The following ADCK1 variants were observed in gnomAD, a reference collection of about 807,000 sequenced individuals.
ADCK1 encodes the protein aarF domain-containing protein kinase 1.
ADCK1 carries 41 observed loss-of-function variants against 52.3 expected under a neutral mutation model. That is an observed-to-expected ratio of 0.78 (90% CI 0.61 to 1.02). The LOEUF (loss-of-function observed/expected upper bound fraction) is 1.02. Among genes scored for constraint, ADCK1 ranks in the 50% least tolerant of loss-of-function variants. ADCK1 has a pLI of 0.00. For missense variants in ADCK1, 658 were observed against 679.5 expected, an observed-to-expected ratio of 0.97 and a Z score of 0.35; for synonymous variants, 250 against 274.6, an observed-to-expected ratio of 0.91 and a Z score of 0.89.
intron 3 of ADCK1, among the ~76,000 whole-genome samples, chr14:77,850,505 A>T (rs1196914735): frequency 6.6e-6 from 1 of 152,150 alleles, no homozygotes; most frequent in Admixed American, 6.5e-5. Flanking sequence ...TTAGGATGGT[A>T]TATCCTCTTG....
intron 7 of ADCK1, among the ~76,000 whole-genome samples, chr14:77,913,375 C>T (rs970243445): frequency 5.9e-5 from 9 of 152,216 alleles, no homozygotes; most frequent in African/African-American, 1.9e-4. Flanking sequence ...GCCCACCTGC[C>T]AGCAAGCACG....
chr14:77,830,656 G>A (rs992900413), intron 3 of ADCK1, among the ~76,000 whole-genome samples: 1 of 142,284 alleles, frequency 7.0e-6, no homozygotes, highest in African/African-American at 2.5e-5. Flanking sequence ...GAGCTTCTGT[G>A]TTGGACAGTG....
intron 7 of ADCK1, among the ~76,000 whole-genome samples, chr14:77,917,021 G>A (rs1000487376): frequency 6.6e-6 from 1 of 152,176 alleles, no homozygotes; most frequent in African/African-American, 2.4e-5. Context: ...CCAGGAGTTT[G>A]AGACCATCCC....
intron 1 of ADCK1, among the ~76,000 whole-genome samples, chr14:77,808,312 G>A (rs2081271680): frequency 6.6e-6 from 1 of 152,192 alleles, no homozygotes; most frequent in Non-Finnish European, 1.5e-5. Context: ...GGTGGTCACT[G>A]TGGTATATCT....
chr14:77,905,022 T>C (rs78366185), intron 6 of ADCK1, among the ~76,000 whole-genome samples: 4,056 of 152,226 alleles, frequency 0.027, 173 homozygotes, highest in African/African-American at 0.094. Flanking sequence ...GCAGGAGCAG[T>C]TTGGCATTTT....
intron 3 of ADCK1, among the ~76,000 whole-genome samples, chr14:77,836,757 TTTTC>T (rs200091208): frequency 0.034 from 4,568 of 134,208 alleles, 441 homozygotes; most frequent in South Asian, 0.12. Flanking sequence ...CTCCTCTACC[TTTTC>T]TTTCTTTCTT....
At chr14:77,906,923 ATTTG>A (rs907460681) in intron 6 of ADCK1, among the ~76,000 whole-genome samples, 25 of 152,136 alleles carry the variant, frequency 1.6e-4, no homozygotes, top group South Asian at 1.0e-3. Context: ...TAGGTTTTTT[ATTTG>A]TTTGTTTGTT....
intron 3 of ADCK1, among the ~76,000 whole-genome samples, chr14:77,841,902 G>A (rs2082076793): frequency 6.7e-6 from 1 of 149,854 alleles, no homozygotes; most frequent in African/African-American, 2.5e-5. Flanking sequence ...GCTCATGCCT[G>A]TAATCCCAGC....
intron 5 of ADCK1, among the ~76,000 whole-genome samples, chr14:77,894,008 C>T (rs1293706690): frequency 3.3e-5 from 5 of 152,212 alleles, no homozygotes; most frequent in African/African-American, 1.2e-4. Context: ...GCTGGGATTA[C>T]AGGCGTGAGC....
chr14:77,834,078 C>T (rs2081912809), intron 3 of ADCK1, among the ~76,000 whole-genome samples: 1 of 152,162 alleles, frequency 6.6e-6, no homozygotes, highest in African/African-American at 2.4e-5. Flanking sequence ...AACTTTCTTC[C>T]TGCATATCCA....
intron 4 of ADCK1, among the ~76,000 whole-genome samples, chr14:77,862,952 T>C (rs2082583666): frequency 6.6e-6 from 1 of 152,058 alleles, no homozygotes; most frequent in Non-Finnish European, 1.5e-5. Context: ...TAGAGATGGA[T>C]GGAATTGGAG....
chr14:77,865,771 T>G (rs560625803), intron 4 of ADCK1, among the ~76,000 whole-genome samples: 4 of 152,172 alleles, frequency 2.6e-5, no homozygotes, highest in Non-Finnish European at 5.9e-5. Context: ...CATTTCCCGA[T>G]CTCTAAAATT....
chr14:77,900,558 G>A (rs1433310242), intron 6 of ADCK1: 4 of 455,510 alleles, frequency 8.8e-6, no homozygotes, highest in East Asian at 7.0e-5. Context: ...TTGCATTGCA[G>A]CCTGGGCAAC....
At chr14:77,857,338 G>T (rs947758075) in intron 3 of ADCK1, among the ~76,000 whole-genome samples, 1 of 152,110 alleles carries the variant, frequency 6.6e-6, no homozygotes, top group Non-Finnish European at 1.5e-5. Context: ...AATTTATGGG[G>T]TACATGGGAA....
At chr14:77,904,615 G>A (rs2140249993) in intron 6 of ADCK1, among the ~76,000 whole-genome samples, 1 of 152,358 alleles carries the variant, frequency 6.6e-6, no homozygotes, top group Non-Finnish European at 1.5e-5. Context: ...TGAGGCCCAG[G>A]GTCTTGGGCT....
chr14:77,914,556 G>A, intron 7 of ADCK1: 1 of 985,424 alleles, frequency 1.0e-6, no homozygotes, highest in Non-Finnish European at 1.2e-6. Context: ...GAGAGGGTGG[G>A]GCTGGGTGAG....
At chr14:77,864,635 ATGTGTGTG>A (rs3082711) in intron 4 of ADCK1, among the ~76,000 whole-genome samples, 4 of 150,376 alleles carry the variant, frequency 2.7e-5, no homozygotes, top group Non-Finnish European at 4.4e-5. Flanking sequence ...TAGGATATGA[ATGTGTGTG>A]TGTGTGTGTG....
intron 4 of ADCK1, among the ~76,000 whole-genome samples, chr14:77,882,918 G>C (rs899165466): frequency 3.3e-5 from 5 of 150,908 alleles, no homozygotes; most frequent in Non-Finnish European, 5.9e-5. Flanking sequence ...CCCCAGATTT[G>C]TCAAGCCCCT....
intron 9 of ADCK1, among the ~76,000 whole-genome samples, chr14:77,929,453 A>C (rs536153516): frequency 6.6e-6 from 1 of 152,338 alleles, no homozygotes; most frequent in African/African-American, 2.4e-5. Context: ...ATTTAAGAGC[A>C]AGAAAACCTT....
Sources: gnomAD v4.1 joint callset for allele counts (sites outside exome capture counted in the v4.1 genomes callset) on GRCh38, gnomAD v4.1.1 for gene constraint, MANE v1.5 for transcripts, NCBI Gene and HGNC (gene_info 2026-07-23, HGNC 2026-07-21) for gene names.